The following COQ10B variants were observed in gnomAD, a reference collection of about 807,000 sequenced individuals.
The protein encoded by COQ10B is coenzyme Q-binding protein COQ10 homolog B, mitochondrial.
A neutral mutation model predicts 27.6 loss-of-function variants in COQ10B; 12 were observed. That is an observed-to-expected ratio of 0.43 (90% CI 0.28 to 0.70). The LOEUF (loss-of-function observed/expected upper bound fraction) is 0.70, where lower values mean the gene tolerates loss of function less well. Among genes scored for constraint, COQ10B ranks in the 30% least tolerant of loss-of-function variants. The pLI is 0.17. For missense variants in COQ10B, 278 were observed against 288.7 expected (o/e 0.96, Z 0.27); for synonymous variants, 115 against 103.0 (o/e 1.12, Z -0.71).
At position 197,470,182 on chromosome 2, in the gene COQ10B, TA is replaced by T; in HGVS notation, c.549+14del. On this transcript the variant is annotated intron_variant, in intron 4 of 4. Transcript: ENST00000263960. ...ACCTTGGATTTTTCAGTAAGTCTCA[TA>T]AAGCCCTTGATTTGTTCCACTTATG... is the stretch of plus-strand genomic sequence containing the variant. 6.5e-7 allele frequency: 1 copy of T among 1,534,134 alleles called. No homozygotes were observed. Among genetic ancestry groups the T allele is most frequent in the Non-Finnish European group, 9.0e-7 (1 of 1,109,132 alleles).
intron 1 of COQ10B, among the ~76,000 whole-genome samples, chr2:197,455,931 C>T (rs542314377): frequency 2.0e-5 from 3 of 151,966 alleles, no homozygotes; most frequent in South Asian, 4.2e-4. Context: ...TGCACTCCAG[C>T]GTGGGTGATG....
intron 4 of COQ10B, among the ~76,000 whole-genome samples, chr2:197,472,410 T>C (rs1574587806): frequency 6.6e-6 from 1 of 151,582 alleles, no homozygotes; most frequent in Middle Eastern, 3.4e-3. Flanking sequence ...AACCCATGGC[T>C]TCAGGCTGTT....
At chr2:197,455,646 C>A (rs1178570853) in intron 1 of COQ10B, among the ~76,000 whole-genome samples, 1 of 151,432 alleles carries the variant, frequency 6.6e-6, no homozygotes, top group African/African-American at 2.4e-5. Context: ...TCCTGGGCAA[C>A]AGAACCAGAC....
In COQ10B at chr2:197,462,608, C is replaced by CA. The variant is rs2085773631; in HGVS notation, c.330dup (p.Ser111IlefsTer12). On this transcript the variant is annotated frameshift_variant, in exon 3 of 5. Coordinates refer to ENST00000263960, the MANE Select transcript of COQ10B (RefSeq NM_025147.5). LOFTEE classifies it high-confidence loss of function. ...ATTACAAGCATTTTGTTCCTTGGTGCAAAAAATCAGATGTTATATCAAAGA... is the reference window on the plus strand; with the variant it reads ...ATTACAAGCATTTTGTTCCTTGGTGCAAAAAAATCAGATGTTATATCAAAGA... 3 of 1,595,428 alleles carry CA rather than the reference C, an allele frequency of 1.9e-6. No homozygotes were observed. The highest frequency in any genetic ancestry group is 1.3e-5 in the African/African-American group (1 of 74,248).
chr2:197,461,200 A>T (rs1354022195), intron 2 of COQ10B, among the ~76,000 whole-genome samples: 2 of 151,442 alleles, frequency 1.3e-5, no homozygotes, highest in Non-Finnish European at 2.9e-5. Flanking sequence ...CCAAGAGTTT[A>T]TTTTTTTTTC....
Position 197,474,164 on chromosome 2 carries a change from T to G in COQ10B, c.*240T>G, listed in dbSNP as rs2085924396. Reference sequence around the variant, plus strand: ...TGTTCTGCATTACAATAATGGGATGTCATCACCATTGCTAGAATACTGGCA... The same window carrying G: ...TGTTCTGCATTACAATAATGGGATGGCATCACCATTGCTAGAATACTGGCA... On this transcript the variant is annotated 3_prime_UTR_variant, in exon 5 of 5. Transcript: ENST00000263960. 1 of 302,672 alleles carries G rather than the reference T, an allele frequency of 3.3e-6. No individual in the cohort carries two copies. Among genetic ancestry groups the G allele is most frequent in the Non-Finnish European group, 6.0e-6 (1 of 166,278 alleles). 18.7% of individuals were successfully genotyped at this position (302,672 alleles called of 1,614,324 possible).
intron 4 of COQ10B, among the ~76,000 whole-genome samples, chr2:197,473,476 ACGTATATATATG>A: frequency 7.1e-6 from 1 of 141,292 alleles, no homozygotes; most frequent in East Asian, 2.0e-4. Context: ...GTATATATAC[ACGTATATATATG>A]TATATACGTA....
intron 3 of COQ10B, among the ~76,000 whole-genome samples, chr2:197,466,708 G>T (rs1056724672): frequency 6.6e-6 from 1 of 152,064 alleles, no homozygotes; most frequent in Non-Finnish European, 1.5e-5. Flanking sequence ...ATAATAACCT[G>T]CATTAGATGA....
At chr2:197,458,662 A>G in intron 1 of COQ10B, among the ~76,000 whole-genome samples, 1 of 151,896 alleles carries the variant, frequency 6.6e-6, no homozygotes, top group East Asian at 1.9e-4. Context: ...ATAGTTACGT[A>G]ATAATCTTTT....
At chr2:197,473,432 A>G (rs1433605081) in intron 4 of COQ10B, among the ~76,000 whole-genome samples, 3 of 108,316 alleles carry the variant, frequency 2.8e-5, no homozygotes, top group Non-Finnish European at 4.0e-5. Context: ...ATATATATAT[A>G]TATATATATA....
In COQ10B at chr2:197,462,741, T is replaced by G; in HGVS notation, c.447+10T>G. ...ACCTCATTTAGTAAAGGTAACAGTT[T>G]TGTTTTTTGTTGTTTTTAAATATTC... is the stretch of plus-strand genomic sequence containing the variant. On this transcript the variant is annotated intron_variant, in intron 3 of 4. Transcript: ENST00000263960. 7.1e-7 allele frequency: 1 copy of G among 1,403,926 alleles called. No homozygotes were observed. Among genetic ancestry groups the G allele is most frequent in the Non-Finnish European group, 9.6e-7 (1 of 1,041,956 alleles). 87.0% of individuals were successfully genotyped at this position (1,403,926 alleles called of 1,614,324 possible).
At chr2:197,453,690 C>A (rs1054739922) in intron 1 of COQ10B, 26 bp downstream of exon 1, 1 of 1,586,978 alleles carries the variant, frequency 6.3e-7, no homozygotes, top group Non-Finnish European at 8.7e-7. Flanking sequence ...GGCGCTGAGA[C>A]GAGAGTAGTT....
At chr2:197,455,572 G>A (rs2085688720) in intron 1 of COQ10B, among the ~76,000 whole-genome samples, 1 of 152,110 alleles carries the variant, frequency 6.6e-6, no homozygotes, top group Admixed American at 6.6e-5. Flanking sequence ...GGCTGAGATG[G>A]GAGGATCACT....
Position 197,474,022 on chromosome 2 carries a change from T to C in COQ10B, c.*98T>C. ...GTTTTCAGAAGCCAGAAAGCATTTG[T>C]TAAACGCAGCTTTGGTTATAAACCT... is the stretch of plus-strand genomic sequence containing the variant. On this transcript the variant is annotated 3_prime_UTR_variant, in exon 5 of 5. Coordinates refer to ENST00000263960, the MANE Select transcript of COQ10B (RefSeq NM_025147.5). The C allele has an allele frequency of 9.9e-7, 1 of 1,005,796 alleles. No individual in the cohort carries two copies. The highest frequency in any genetic ancestry group is 2.9e-5 in the East Asian group (1 of 35,024). 62.3% of individuals were successfully genotyped at this position (1,005,796 alleles called of 1,614,324 possible). A position where few individuals can be genotyped will look rare whatever the true frequency, so the allele number is the denominator to read the frequency against.
At chr2:197,456,721 C>T (rs1270025046) in intron 1 of COQ10B, among the ~76,000 whole-genome samples, 2 of 151,872 alleles carry the variant, frequency 1.3e-5, no homozygotes, top group Non-Finnish European at 2.9e-5. Flanking sequence ...GCCTAGATCA[C>T]ACCACTGCAC....
intron 1 of COQ10B, among the ~76,000 whole-genome samples, chr2:197,455,451 C>G (rs2085685629): frequency 6.6e-6 from 1 of 150,616 alleles, no homozygotes; most frequent in African/African-American, 2.4e-5. Flanking sequence ...AAAACCTTGT[C>G]TCTACCAAAA....
intron 1 of COQ10B, chr2:197,454,374 A>G (rs1038712907): frequency 9.2e-6 from 3 of 326,144 alleles, no homozygotes; most frequent in African/African-American, 6.5e-5. Context: ...AGTGTGTTTA[A>G]AATGAATTCA....
At chr2:197,453,830 G>A (rs2085665281) in intron 1 of COQ10B, 166 bp downstream of exon 1, 2 of 1,050,238 alleles carry the variant, frequency 1.9e-6, no homozygotes, top group Non-Finnish European at 1.4e-6. Context: ...ACTCAAGAGC[G>A]GCGCGCATCA....
Position 197,460,090 on chromosome 2 carries a change from A to G in COQ10B, c.254+9A>G. On this transcript the variant is annotated intron_variant, in intron 2 of 4. Transcript: ENST00000263960. ...GAGAGAAGAATTTTAGGGTTCGTATATGATAAGAATTCTACTAAAAGAGCA... is the reference window on the plus strand; with the variant it reads ...GAGAGAAGAATTTTAGGGTTCGTATGTGATAAGAATTCTACTAAAAGAGCA... The G allele has an allele frequency of 6.3e-7, 1 of 1,583,278 alleles. No individual in the cohort carries two copies. The highest frequency in any genetic ancestry group is 8.6e-7 in the Non-Finnish European group (1 of 1,157,690).
Sources: gnomAD v4.1 joint callset for allele counts (sites outside exome capture counted in the v4.1 genomes callset) on GRCh38, gnomAD v4.1.1 for gene constraint, MANE v1.5 for transcripts, NCBI Gene and HGNC (gene_info 2026-07-23, HGNC 2026-07-21) for gene names.